RTP2: variants seen among roughly 807,000 people sequenced by gnomAD.
RTP2 encodes receptor-transporting protein 2.
A neutral mutation model predicts 17.9 loss-of-function variants in RTP2; 12 were observed. The ratio of observed to expected loss-of-function variants is 0.67; its 90% CI spans 0.43 to 1.09. The LOEUF is 1.09. Ranked by LOEUF, RTP2 falls within the 50% of genes least tolerant of loss-of-function variation. The pLI, the probability that RTP2 is intolerant of heterozygous loss-of-function variation, is 0.00. For synonymous variants in RTP2, 126 were observed against 117.7 expected (o/e 1.07, Z -0.46); for missense variants, 327 against 295.7 (o/e 1.11, Z -0.78).
exon 2 of RTP2, chr3:187,698,840 C>A: frequency 3.7e-6 from 6 of 1,613,144 alleles, no homozygotes; most frequent in Non-Finnish European, 4.2e-6. Flanking sequence ...CCTCGATGTT[C>A]TCCTCCAGCA....
chr3:187,698,542 C>T (rs934078229), exon 2 of RTP2: 5 of 1,613,492 alleles, frequency 3.1e-6, no homozygotes, highest in Non-Finnish European at 4.2e-6. Context: ...AGGTAAACAA[C>T]GAGCAGGCAG....
chr3:187,705,325 GA>G (rs1003779123), upstream of RTP2, among the ~76,000 whole-genome samples: 1 of 152,092 alleles, frequency 6.6e-6, no homozygotes, highest in African/African-American at 2.4e-5. Flanking sequence ...AGTTTCTGTT[GA>G]GCTGAGGCTC....
intron 1 of RTP2, among the ~76,000 whole-genome samples, chr3:187,699,796 C>A (rs1256264739): frequency 3.3e-5 from 5 of 151,268 alleles, no homozygotes; most frequent in African/African-American, 1.2e-4. Context: ...TATTTTCTCT[C>A]TCTCTCTTAC....
the RTP2 span, among the ~76,000 whole-genome samples, chr3:187,711,122 A>G: frequency 2.0e-5 from 3 of 152,156 alleles, no homozygotes; most frequent in African/African-American, 7.2e-5. Flanking sequence ...TTTGATTCCA[A>G]TGGCTCAAAG....
chr3:187,710,125 C>T, the RTP2 span, among the ~76,000 whole-genome samples: 6 of 152,116 alleles, frequency 3.9e-5, no homozygotes, highest in African/African-American at 1.4e-4. Context: ...AAAGACAATG[C>T]AGGAAGGTTG....
At chr3:187,705,413 A>G (rs578155634), upstream of RTP2, among the ~76,000 whole-genome samples, 1 of 152,336 alleles carries the variant, frequency 6.6e-6, no homozygotes, top group South Asian at 2.1e-4. Flanking sequence ...GGAGCATGGG[A>G]TAGATTGTGC....
upstream of RTP2, among the ~76,000 whole-genome samples, chr3:187,703,932 A>G (rs1717924762): frequency 1.3e-5 from 2 of 152,284 alleles, no homozygotes; most frequent in South Asian, 2.1e-4. Flanking sequence ...GCAGAGACCA[A>G]TAGAATTCAT....
At chr3:187,715,475 G>A in the RTP2 span, 3 of 325,054 alleles carry the variant, frequency 9.2e-6, no homozygotes, top group Non-Finnish European at 1.9e-5. Flanking sequence ...ACCATTTAGT[G>A]GCAGCACTGA....
the RTP2 span, among the ~76,000 whole-genome samples, chr3:187,715,129 T>G: frequency 1.3e-5 from 2 of 152,160 alleles, no homozygotes; most frequent in Admixed American, 1.3e-4. Flanking sequence ...GAGGAAACAC[T>G]TACTCTGAAT....
At chr3:187,707,050 T>C (rs149652649), upstream of RTP2, among the ~76,000 whole-genome samples, 1 of 152,360 alleles carries the variant, frequency 6.6e-6, no homozygotes, top group Non-Finnish European at 1.5e-5. Flanking sequence ...CATTCATTCC[T>C]ATGTCTGGAG....
chr3:187,706,588 A>G (rs1468287197), upstream of RTP2, among the ~76,000 whole-genome samples: 1 of 152,112 alleles, frequency 6.6e-6, no homozygotes, highest in Non-Finnish European at 1.5e-5. Flanking sequence ...ACTTCATCTC[A>G]CGCAGAGTGA....
the RTP2 span, among the ~76,000 whole-genome samples, chr3:187,709,648 GC>G: frequency 6.6e-6 from 1 of 152,098 alleles, no homozygotes; most frequent in Non-Finnish European, 1.5e-5. Flanking sequence ...TCACACCATT[GC>G]ACTCCAGCCT....
the RTP2 span, among the ~76,000 whole-genome samples, chr3:187,709,206 G>C: frequency 6.6e-6 from 1 of 151,970 alleles, no homozygotes; most frequent in Admixed American, 6.6e-5. Flanking sequence ...GTGTTTTATA[G>C]TATCTCTAAT....
chr3:187,715,357 C>T, the RTP2 span, among the ~76,000 whole-genome samples: 1 of 152,202 alleles, frequency 6.6e-6, no homozygotes, highest in South Asian at 2.1e-4. Flanking sequence ...TTTATTCTAT[C>T]AAGCTGAGTT....
chr3:187,712,552 C>A, the RTP2 span, among the ~76,000 whole-genome samples: 1 of 152,090 alleles, frequency 6.6e-6, no homozygotes, highest in Non-Finnish European at 1.5e-5. Flanking sequence ...CCCTTGTGAG[C>A]TGAAAAATGG....
At chr3:187,698,807 G>T (rs749390758) in exon 2 of RTP2, 36 of 1,613,276 alleles carry the variant, frequency 2.2e-5, no homozygotes, top group Non-Finnish European at 2.9e-5. Flanking sequence ...CGCGCAGGCT[G>T]GTGATGAGGT....
At chr3:187,699,141 G>T in intron 1 of RTP2, 130 bp from the exon 2 acceptor site, 1 of 1,141,930 alleles carries the variant, frequency 8.8e-7, no homozygotes, top group Non-Finnish European at 1.2e-6. Context: ...CTGCCCTGTG[G>T]ATTCATTAGC....
the RTP2 span, among the ~76,000 whole-genome samples, chr3:187,712,139 A>G: frequency 2.0e-5 from 3 of 152,202 alleles, 1 homozygote; most frequent in South Asian, 4.1e-4. Context: ...ACATACACAT[A>G]CACACGAGTG....
At chr3:187,702,571 A>G (rs1222102543), upstream of RTP2, 1 of 457,212 alleles carries the variant, frequency 2.2e-6, no homozygotes, top group East Asian at 6.9e-5. Flanking sequence ...GTCAAGGAGA[A>G]ATGAGGGACA....
Sources: allele counts gnomAD v4.1 joint callset (sites outside exome capture counted in the v4.1 genomes callset), GRCh38; gene constraint gnomAD v4.1.1; transcripts MANE v1.5; gene names NCBI Gene and HGNC (gene_info 2026-07-23, HGNC 2026-07-21).